CFAP61: variants seen among roughly 807,000 people sequenced by gnomAD.
CFAP61 encodes cilia- and flagella-associated protein 61.
A neutral mutation model predicts 135.6 loss-of-function variants in CFAP61; 107 were observed. The ratio of observed to expected loss-of-function variants is 0.79; its 90% CI spans 0.67 to 0.93. The LOEUF (loss-of-function observed/expected upper bound fraction) is 0.93. CFAP61 is among the 40% of genes least tolerant of loss of function. The pLI is 0.00. For missense variants in CFAP61, 1,507 were observed against 1,556.2 expected, an observed-to-expected ratio of 0.97 and a Z score of 0.53; for synonymous variants, 575 against 578.5, an observed-to-expected ratio of 0.99 and a Z score of 0.09.
chr20:20,075,696 T>C (rs1197892489), intron 6 of CFAP61, 81 bp downstream of exon 6: 1 of 1,507,170 alleles, frequency 6.6e-7, no homozygotes, highest in African/African-American at 1.4e-5. Context: ...CTACCAATGC[T>C]AAGTGACTAT....
intron 13 of CFAP61, among the ~76,000 whole-genome samples, chr20:20,174,573 G>T (rs1213960177): frequency 6.6e-6 from 1 of 152,122 alleles, no homozygotes; most frequent in African/African-American, 2.4e-5. Flanking sequence ...ATATTGCTCA[G>T]TTCCTGTAGG....
At chr20:20,206,915 G>C (rs1569130162) in intron 17 of CFAP61, among the ~76,000 whole-genome samples, 1 of 152,106 alleles carries the variant, frequency 6.6e-6, no homozygotes, top group Non-Finnish European at 1.5e-5. Context: ...ATCAGATTCG[G>C]CATTCTGGCT....
At chr20:20,158,151 T>A in intron 9 of CFAP61, among the ~76,000 whole-genome samples, 1 of 142,378 alleles carries the variant, frequency 7.0e-6, no homozygotes. Flanking sequence ...AGATGACGAG[T>A]TAGTGGGTGC....
At chr20:20,339,527 T>C (rs2058358042) in intron 25 of CFAP61, among the ~76,000 whole-genome samples, 1 of 152,154 alleles carries the variant, frequency 6.6e-6, no homozygotes, top group East Asian at 1.9e-4. Context: ...TGGAGTGCAG[T>C]GGCGTGATCA....
chr20:20,313,020 T>C (rs1013447869), intron 25 of CFAP61, among the ~76,000 whole-genome samples: 2 of 152,242 alleles, frequency 1.3e-5, no homozygotes, highest in Non-Finnish European at 2.9e-5. Flanking sequence ...CCCAATGCTG[T>C]GGACTGAATT....
Position 20,074,296 on chromosome 20 carries a change from C to CTG in CFAP61, c.295-5_295-4dup. 3 of 1,613,764 alleles carry CTG rather than the reference C, an allele frequency of 1.9e-6. No homozygotes were observed. Among genetic ancestry groups the CTG allele is most frequent in the Non-Finnish European group, 2.5e-6 (3 of 1,179,632 alleles). ...CCTTTAATCCGTGTTCTCTCTTCTT[C>CTG]TGCAGCCCCTGAATACGTTGTTCAT... On this transcript the variant is annotated splice_polypyrimidine_tract_variant and splice_region_variant and intron_variant, in intron 3 of 26. Transcript: ENST00000245957.
In CFAP61 at chr20:20,199,847, A is replaced by AT. The variant is rs761292006; in HGVS notation, c.1878dup (p.Pro627SerfsTer35). On this transcript the variant is annotated frameshift_variant, in exon 17 of 27. Coordinates refer to ENST00000245957, the MANE Select transcript of CFAP61 (RefSeq NM_015585.4). LOFTEE classifies it high-confidence loss of function. The stretch of plus-strand genomic sequence containing the variant: ...GTGCGACCACGACGACAGATTGTCT[A>AT]TCCTCTGGAAAAGCTTGGCATAAAC... The AT allele has an allele frequency of 1.2e-6, 2 of 1,614,146 alleles. No homozygotes were observed. Among genetic ancestry groups the AT allele is most frequent in the Non-Finnish European group, 8.5e-7 (1 of 1,180,034 alleles).
intron 17 of CFAP61, among the ~76,000 whole-genome samples, chr20:20,206,147 A>G (rs1179442079): frequency 6.6e-6 from 1 of 152,182 alleles, no homozygotes; most frequent in Non-Finnish European, 1.5e-5. Context: ...TAACTTCTTA[A>G]CATCTTAGTG....
chr20:20,247,746 C>A (rs1569187580), intron 19 of CFAP61, among the ~76,000 whole-genome samples: 1 of 152,096 alleles, frequency 6.6e-6, no homozygotes, highest in Non-Finnish European at 1.5e-5. Context: ...CCTTTTTCTC[C>A]CCATTTGAGC....
At chr20:20,209,463 G>C (rs1337285953) in intron 17 of CFAP61, among the ~76,000 whole-genome samples, 2 of 152,116 alleles carry the variant, frequency 1.3e-5, no homozygotes, top group Non-Finnish European at 2.9e-5. Flanking sequence ...GATTTCTCTT[G>C]GCAATATGTT....
chr20:20,348,995 G>A (rs1203807459), intron 26 of CFAP61, among the ~76,000 whole-genome samples: 1 of 152,136 alleles, frequency 6.6e-6, no homozygotes, highest in East Asian at 1.9e-4. Flanking sequence ...GTTCTAGCCA[G>A]AGCAATCAGG....
Position 20,118,253 on chromosome 20 carries a change from G to GTTTCTTTCTTTCTTTC in CFAP61, c.859+19479_859+19494dup, listed in dbSNP as rs148875515. 4.6e-3 allele frequency among the ~76,000 whole-genome samples: 639 copies of GTTTCTTTCTTTCTTTC among 138,578 alleles called. 3 individuals carry two copies. Among genetic ancestry groups the GTTTCTTTCTTTCTTTC allele is most frequent in the Admixed American group, 6.0e-3 (82 of 13,744 alleles). The allele number at this position is 138,578 out of a possible 152,430, so 90.9% of individuals were successfully genotyped here. On this transcript the variant is annotated intron_variant, in intron 8 of 26. Transcript: ENST00000245957. ...TATGGTCTTCATTATTTTGAGGTAT[G>GTTTCTTTCTTTCTTTC]TTTCTTTCTTTCTTTCTTTCTTTCT...
chr20:20,274,194 G>A (rs1362479113), intron 21 of CFAP61, among the ~76,000 whole-genome samples: 8 of 152,124 alleles, frequency 5.3e-5, no homozygotes, highest in East Asian at 1.9e-4. Flanking sequence ...CAATATGAGG[G>A]ATTATGTATA....
intron 1 of CFAP61, among the ~76,000 whole-genome samples, chr20:20,056,284 A>G (rs1300142942): frequency 1.3e-5 from 2 of 152,240 alleles, no homozygotes; most frequent in Non-Finnish European, 2.9e-5. Flanking sequence ...ACCACATGCC[A>G]TCGTGGCCGA....
intron 18 of CFAP61, among the ~76,000 whole-genome samples, chr20:20,241,712 G>A (rs1792803173): frequency 1.3e-5 from 2 of 152,100 alleles, no homozygotes; most frequent in South Asian, 2.1e-4. Flanking sequence ...TATTATTGGT[G>A]TAACATAAAC....
At chr20:20,090,272 C>T (rs1359176423) in intron 6 of CFAP61, among the ~76,000 whole-genome samples, 1 of 152,208 alleles carries the variant, frequency 6.6e-6, no homozygotes, top group Non-Finnish European at 1.5e-5. Flanking sequence ...TCAGATGACC[C>T]TCCTCATAGA....
intron 26 of CFAP61, among the ~76,000 whole-genome samples, chr20:20,349,771 C>G (rs1354071406): frequency 6.6e-6 from 1 of 152,176 alleles, no homozygotes; most frequent in Non-Finnish European, 1.5e-5. Flanking sequence ...GGGACAACAT[C>G]TGTGTTCATG....
chr20:20,316,420 C>A (rs1270905683), intron 25 of CFAP61, among the ~76,000 whole-genome samples: 1 of 151,788 alleles, frequency 6.6e-6, no homozygotes, highest in Non-Finnish European at 1.5e-5. Flanking sequence ...AGTTGCTTAT[C>A]AGCTTAAGGA....
At chr20:20,088,927 C>G (rs1267522931) in intron 6 of CFAP61, among the ~76,000 whole-genome samples, 1 of 152,122 alleles carries the variant, frequency 6.6e-6, no homozygotes, top group African/African-American at 2.4e-5. Flanking sequence ...ATCCTGGGAG[C>G]AGGGTGAAGA....
Sources: gnomAD v4.1 joint callset for allele counts (sites outside exome capture counted in the v4.1 genomes callset) on GRCh38, gnomAD v4.1.1 for gene constraint, MANE v1.5 for transcripts, NCBI Gene and HGNC (gene_info 2026-07-23, HGNC 2026-07-21) for gene names.